NPHP1: variants seen among roughly 807,000 people sequenced by gnomAD.
NPHP1 encodes the protein nephrocystin 1.
Under a neutral mutation model 90.4 loss-of-function variants are expected in NPHP1, and 70 were observed. That is an observed-to-expected ratio of 0.77 (90% confidence interval 0.64 to 0.95). The LOEUF (loss-of-function observed/expected upper bound fraction) is 0.95, where lower values mean the gene tolerates loss of function less well. Ranked by LOEUF, NPHP1 falls within the 40% of genes least tolerant of loss-of-function variation. The pLI, the probability that NPHP1 is intolerant of heterozygous loss-of-function variation, is 0.00. For missense variants in NPHP1, 764 were observed against 795.9 expected, an observed-to-expected ratio of 0.96 and a Z score of 0.48; for synonymous variants, 256 against 271.7, an observed-to-expected ratio of 0.94 and a Z score of 0.57.
chr2:110,166,886 A>G (rs546927236), intron 6 of NPHP1, among the ~76,000 whole-genome samples: 3 of 152,280 alleles, frequency 2.0e-5, no homozygotes, highest in East Asian at 3.9e-4. Context: ...ATGTAATACA[A>G]TAGCCCTTTG....
chr2:110,165,119 C>G lies in NPHP1; in HGVS notation c.661G>C (p.Glu221Gln). Residue 221 changes from glutamate to glutamine, a missense_variant, in exon 7 of 20, where the codon GAA (glutamate) becomes CAA (glutamine). Transcript: ENST00000445609. ...SEEEEGQESSEEGSEEDVEAV... is the reference protein window; with the variant it reads ...SEEEEGQESSQEGSEEDVEAV... ...TCTACATCTTCTTCACTGCCCTCTT[C>G]ACTTGACTCTTGGCCTTCTTCTTCT... 1 of 1,613,780 alleles carries G rather than the reference C, an allele frequency of 6.2e-7. No homozygotes were observed. Among genetic ancestry groups the G allele is most frequent in the Non-Finnish European group, 8.5e-7 (1 of 1,179,754 alleles).
intron 2 of NPHP1, among the ~76,000 whole-genome samples, chr2:110,190,875 C>A (rs549474606): frequency 1.4e-4 from 21 of 152,018 alleles, no homozygotes; most frequent in East Asian, 7.7e-4. Flanking sequence ...GAAAAAAAAA[C>A]CCCATTAAAA....
Position 110,192,883 on chromosome 2 carries a change from C to A in NPHP1, c.143+8538G>T, listed in dbSNP as rs556205242. 3.0e-4 allele frequency among the ~76,000 whole-genome samples: 45 copies of A among 152,122 alleles called. 2 individuals carry two copies. In the Middle Eastern group the frequency reaches 0.01, roughly 35 times the overall value. Reference sequence around the variant, plus strand: ...TCTTAAAGAAAAGAATTTTCAACCCCGAATTTCATATCCAGCCAAACTAAG... The same window carrying A: ...TCTTAAAGAAAAGAATTTTCAACCCAGAATTTCATATCCAGCCAAACTAAG... On this transcript the variant is annotated intron_variant, in intron 2 of 19. Transcript: ENST00000445609.
rs1684884972 is a variant in NPHP1, at chr2:110,193,280, C to A, written c.143+8141G>T. ...GAAACCCATCTCATGTACAGAGACA[C>A]ACATAGGCTCAAAATAAAGGGATGG... is the stretch of plus-strand genomic sequence containing the variant. On this transcript the variant is annotated intron_variant, in intron 2 of 19. Transcript: ENST00000445609. Among the ~76,000 whole-genome samples, 3 of 152,166 alleles carry A rather than the reference C, an allele frequency of 2.0e-5. No individual in the cohort carries two copies. In the South Asian group the frequency reaches 6.2e-4, roughly 32 times the overall value.
chr2:110,204,778 G>T (rs1228894996), intron 1 of NPHP1, 122 bp downstream of exon 1: 2 of 956,320 alleles, frequency 2.1e-6, no homozygotes, highest in Admixed American at 1.9e-5. Context: ...TACAACCTGG[G>T]AAGGTAAGTA....
chr2:110,173,463 T>C (rs189072319), intron 4 of NPHP1, among the ~76,000 whole-genome samples: 1 of 152,290 alleles, frequency 6.6e-6, no homozygotes, highest in African/African-American at 2.4e-5. Flanking sequence ...TATATAGTCA[T>C]GTGCTGCACA....
At chr2:110,130,206 T>G (rs2104432621) in intron 17 of NPHP1, among the ~76,000 whole-genome samples, 1 of 152,316 alleles carries the variant, frequency 6.6e-6, no homozygotes, top group Non-Finnish European at 1.5e-5. Context: ...GTAACATGAA[T>G]TTTAGATGGG....
At chr2:110,168,376 A>T in intron 6 of NPHP1, 76 bp downstream of exon 6, 2 of 941,392 alleles carry the variant, frequency 2.1e-6, no homozygotes, top group South Asian at 2.8e-5. Flanking sequence ...AACTGACAAA[A>T]GAACACAGCT....
intron 1 of NPHP1, chr2:110,202,353 TA>T (rs1685626541): frequency 2.4e-6 from 1 of 411,518 alleles, no homozygotes; most frequent in Non-Finnish European, 5.0e-6. Context: ...ATCTGAGTGT[TA>T]TTTACAAAAT....
rs899254129 is a variant in NPHP1, at chr2:110,138,268, A to C, written c.1529+5274T>G. ...GCACACCAACATGGCACATGTATAC[A>C]TATGTAACTAACCTGCACGTTCTGC... is the stretch of plus-strand genomic sequence containing the variant. On this transcript the variant is annotated intron_variant, in intron 16 of 19. Coordinates refer to ENST00000445609, the MANE Select transcript of NPHP1 (RefSeq NM_001128178.3). Among the ~76,000 whole-genome samples the C allele has an allele frequency of 2.5e-4, 38 of 152,026 alleles. 1 individual carries two copies. The highest frequency in any genetic ancestry group is 8.9e-4 in the African/African-American group (37 of 41,392).
rs554160314 is a variant in NPHP1, at chr2:110,134,542, A to C, written c.1530-2751T>G. On this transcript the variant is annotated intron_variant, in intron 16 of 19. Transcript: ENST00000445609. The stretch of plus-strand genomic sequence containing the variant: ...AACAATACTACAAGAAAAAAAAAAA[A>C]AAACTACAGGCCAATATTCCTGAAT... 4.0e-4 allele frequency among the ~76,000 whole-genome samples: 61 copies of C among 151,952 alleles called. 1 individual carries two copies. The East Asian group carries it at 0.011, about 27-fold the overall frequency.
chr2:110,172,675 A>G (rs969057442), intron 4 of NPHP1, among the ~76,000 whole-genome samples: 8 of 151,982 alleles, frequency 5.3e-5, no homozygotes, highest in Non-Finnish European at 1.2e-4. Context: ...TCAGCTACTC[A>G]GGGAGGCGGA....
chr2:110,128,042 G>A (rs1342458187), intron 18 of NPHP1: 5 of 152,002 alleles, frequency 3.3e-5, no homozygotes, highest in Admixed American at 2.6e-4. Flanking sequence ...AAAATTACAG[G>A]AGATCATATG....
At chr2:110,170,850 G>T (rs1683074848) in intron 4 of NPHP1, among the ~76,000 whole-genome samples, 1 of 152,122 alleles carries the variant, frequency 6.6e-6, no homozygotes, top group South Asian at 2.1e-4. Flanking sequence ...GGAGAAAGGA[G>T]ATTTAAGATT....
rs377676279 is a variant in NPHP1, at chr2:110,169,835, C to T, written c.493G>A (p.Ala165Thr). ...EEYIAVGDFT[A>T]QQVGDLTFKK... ...AATGTAAGATCTCCAACTTGCTGAG[C>T]AGTAAAATCTCCAACAGCGATGTAT... The change falls in exon 5 of 20, where the codon GCT becomes ACT. Residue 165 changes from alanine to threonine, a missense_variant. Ala to Thr is a moderately conservative substitution (Grantham distance 58). Transcript: ENST00000445609. The T allele has an allele frequency of 1.4e-5, 23 of 1,613,402 alleles. No individual in the cohort carries two copies. In the African/African-American group the frequency reaches 2.9e-4, roughly 21 times the overall value.
intron 1 of NPHP1, 103 bp downstream of exon 1, chr2:110,204,797 G>T: frequency 1.6e-5 from 20 of 1,221,798 alleles, no homozygotes; most frequent in Non-Finnish European, 2.3e-5. Flanking sequence ...TAGGTTGGGG[G>T]CAAGCTCCCA....
chr2:110,126,006 C>CCTG, intron 18 of NPHP1: 1 of 369,956 alleles, frequency 2.7e-6, no homozygotes, highest in Non-Finnish European at 5.0e-6. Context: ...TAGTATTAAG[C>CCTG]TTTCCAAGTA....
intron 2 of NPHP1, among the ~76,000 whole-genome samples, chr2:110,180,096 T>C (rs1322915992): frequency 6.6e-6 from 1 of 152,156 alleles, no homozygotes; most frequent in East Asian, 1.9e-4. Flanking sequence ...TTAAGCCTCA[T>C]AACAACCCTC....
At position 110,178,364 on chromosome 2, in the gene NPHP1, TA is replaced by T. The variant is rs745556096; in HGVS notation, c.329+58del. The T allele has an allele frequency of 2.0e-6, 3 of 1,525,546 alleles. No individual in the cohort carries two copies. In the South Asian group the frequency reaches 3.4e-5, roughly 17 times the overall value. 94.5% of individuals were successfully genotyped at this position (1,525,546 alleles called of 1,614,324 possible). A position where few individuals can be genotyped will look rare whatever the true frequency, so the allele number is the denominator to read the frequency against. On this transcript the variant is annotated intron_variant, in intron 4 of 19. Transcript: ENST00000445609. ...TGCTATATGTCTTTGAGTTAAACAT[TA>T]AAGCTATTGGTGATATATCTTTAAA...
Sources: gnomAD v4.1 joint callset for allele counts (sites outside exome capture counted in the v4.1 genomes callset) on GRCh38, gnomAD v4.1.1 for gene constraint, MANE v1.5 for transcripts, NCBI Gene and HGNC (gene_info 2026-07-23, HGNC 2026-07-21) for gene names.